MEGF10: variants seen among roughly 807,000 people sequenced by gnomAD.
The protein encoded by MEGF10 is multiple EGF like domains 10.
MEGF10 carries 86 observed loss-of-function variants against 147.5 expected under a neutral mutation model. That is an observed-to-expected ratio of 0.58 (90% CI 0.49 to 0.70). The LOEUF (loss-of-function observed/expected upper bound fraction) is 0.70. Among genes scored for constraint, MEGF10 ranks in the 30% least tolerant of loss-of-function variants. The pLI is 0.00. For synonymous variants in MEGF10, 478 were observed against 525.5 expected (o/e 0.91, Z 1.24); for missense variants, 1,329 against 1,487.3 (o/e 0.89, Z 1.75).
intron 6 of MEGF10, among the ~76,000 whole-genome samples, chr5:127,397,968 G>GA: frequency 6.8e-6 from 1 of 147,236 alleles, no homozygotes. Context: ...CACAGGAACA[G>GA]AAAACCAAAC....
intron 1 of MEGF10, 72 bp downstream of exon 1, chr5:127,291,128 G>T (rs1456403584): frequency 6.6e-6 from 1 of 152,252 alleles, no homozygotes; most frequent in African/African-American, 2.4e-5. Flanking sequence ...TCTCATGGGC[G>T]GGGGTCACAT....
chr5:127,420,735 C>A (rs1282609299), intron 12 of MEGF10, among the ~76,000 whole-genome samples: 2 of 152,188 alleles, frequency 1.3e-5, no homozygotes, highest in African/African-American at 4.8e-5. Context: ...ATTCCCTTGA[C>A]CTACTTTGGA....
intron 1 of MEGF10, among the ~76,000 whole-genome samples, chr5:127,323,351 CAGA>C (rs1466543860): frequency 6.6e-6 from 1 of 152,152 alleles, no homozygotes; most frequent in Non-Finnish European, 1.5e-5. Flanking sequence ...CCTAAATGGC[CAGA>C]TAATCTGGGA....
chr5:127,396,897 G>A (rs1421914371), intron 6 of MEGF10, 119 bp downstream of exon 6: 2 of 1,420,944 alleles, frequency 1.4e-6, no homozygotes, highest in East Asian at 2.3e-5. Flanking sequence ...GTTACTGATG[G>A]GTCTAGGCTG....
chr5:127,407,154 G>A (rs911583033), intron 8 of MEGF10, among the ~76,000 whole-genome samples: 11 of 152,204 alleles, frequency 7.2e-5, no homozygotes, highest in Admixed American at 2.6e-4. Context: ...GTCTAGGAGC[G>A]TGGAGATGTT....
intron 13 of MEGF10, chr5:127,424,193 G>C: frequency 3.4e-6 from 2 of 588,636 alleles, no homozygotes; most frequent in Non-Finnish European, 6.0e-6. Context: ...AATGTGAGAG[G>C]ATTTATTTCT....
chr5:127,327,422 G>C (rs1299396889), intron 1 of MEGF10, among the ~76,000 whole-genome samples: 2 of 152,116 alleles, frequency 1.3e-5, no homozygotes, highest in Non-Finnish European at 2.9e-5. Context: ...TCTTAATGAA[G>C]CAAATCACCA....
intron 9 of MEGF10, among the ~76,000 whole-genome samples, chr5:127,416,186 C>G (rs548515924): frequency 1.3e-5 from 2 of 152,068 alleles, no homozygotes; most frequent in African/African-American, 4.8e-5. Context: ...CACCACCACG[C>G]CCCGCTAATT....
At chr5:127,367,144 C>T (rs146278604) in intron 4 of MEGF10, among the ~76,000 whole-genome samples, 96 of 152,178 alleles carry the variant, frequency 6.3e-4, no homozygotes, top group African/African-American at 2.3e-3. Context: ...GTTTAATCTC[C>T]AGCTTCTATG....
At chr5:127,229,758 A>C in the MEGF10 span, 3 of 151,616 alleles carry the variant, frequency 2.0e-5, no homozygotes, top group Non-Finnish European at 2.9e-5. Context: ...TCTCTGCCCC[A>C]TGCCCTGGGC....
At chr5:127,281,236 G>C in the MEGF10 span, among the ~76,000 whole-genome samples, 1 of 152,178 alleles carries the variant, frequency 6.6e-6, no homozygotes, top group South Asian at 2.1e-4. Flanking sequence ...TCAGCACCCA[G>C]TAGCTTCTCG....
chr5:127,277,746 G>A, the MEGF10 span, among the ~76,000 whole-genome samples: 1 of 152,264 alleles, frequency 6.6e-6, no homozygotes, highest in African/African-American at 2.4e-5. Context: ...TATTTTGAAG[G>A]TAGAGCCTAC....
intron 5 of MEGF10, among the ~76,000 whole-genome samples, chr5:127,372,411 A>T (rs940585059): frequency 6.6e-6 from 1 of 152,198 alleles, no homozygotes; most frequent in African/African-American, 2.4e-5. Flanking sequence ...TTCTTAAATT[A>T]CTATTAGTTT....
the MEGF10 span, among the ~76,000 whole-genome samples, chr5:127,278,524 C>A: frequency 2.0e-5 from 3 of 152,066 alleles, no homozygotes; most frequent in Non-Finnish European, 4.4e-5. Flanking sequence ...TTTGTGAATG[C>A]TGATGGGAAT....
chr5:127,397,717 C>T (rs2126924499), intron 6 of MEGF10, among the ~76,000 whole-genome samples: 1 of 152,230 alleles, frequency 6.6e-6, no homozygotes, highest in Middle Eastern at 3.4e-3. Flanking sequence ...GTTAATATTG[C>T]TTTTATGGGT....
chr5:127,445,167 A>G (rs931143798), intron 19 of MEGF10: 2 of 402,926 alleles, frequency 5.0e-6, no homozygotes, highest in Non-Finnish European at 9.1e-6. Context: ...GCTAGGCTAG[A>G]TCAGTTCTCC....
intron 1 of MEGF10, among the ~76,000 whole-genome samples, chr5:127,323,470 C>T (rs979198257): frequency 5.9e-5 from 9 of 152,212 alleles, no homozygotes; most frequent in African/African-American, 2.2e-4. Context: ...AGATGATGAG[C>T]TCTTGCCAGG....
intron 1 of MEGF10, among the ~76,000 whole-genome samples, chr5:127,320,292 A>C (rs990623205): frequency 9.2e-5 from 14 of 152,176 alleles, no homozygotes; most frequent in Admixed American, 4.6e-4. Context: ...AATTTCACTA[A>C]AAATGGCAGG....
At chr5:127,347,773 G>T (rs1320158443) in intron 4 of MEGF10, among the ~76,000 whole-genome samples, 1 of 151,962 alleles carries the variant, frequency 6.6e-6, no homozygotes, top group Non-Finnish European at 1.5e-5. Context: ...ATAGAATGGA[G>T]AAAACACATG....
Sources: gnomAD v4.1 joint callset for allele counts (sites outside exome capture counted in the v4.1 genomes callset) on GRCh38, gnomAD v4.1.1 for gene constraint, MANE v1.5 for transcripts, NCBI Gene and HGNC (gene_info 2026-07-23, HGNC 2026-07-21) for gene names.